The following PSME3 variants were observed in gnomAD, a reference collection of about 807,000 sequenced individuals.
PSME3 encodes proteasome activator subunit 3, also known as proteasome activator complex subunit 3.
Under a neutral mutation model 38.3 loss-of-function variants are expected in PSME3, and 7 were observed. That is an observed-to-expected ratio of 0.18 (90% CI 0.10 to 0.34). The LOEUF is 0.34. PSME3 is among the 10% of genes least tolerant of loss of function. The pLI is 1.00. For synonymous variants in PSME3, 108 were observed against 105.7 expected (o/e 1.02, Z -0.13); for missense variants, 192 against 307.6 (o/e 0.62, Z 2.81).
At position 42,838,792 on chromosome 17, in the gene PSME3, C is replaced by T. The variant is rs752977625; in HGVS notation, c.467C>T (p.Ser156Phe). The T allele has an allele frequency of 6.2e-7, 1 of 1,603,720 alleles. No homozygotes were observed. The highest frequency in any genetic ancestry group is 8.5e-7 in the Non-Finnish European group (1 of 1,170,608). Reference sequence around the variant, plus strand: ...GAAGATGGAAACAACTTTGGGGTGTCCATTCAGGTAATGTACTTGAATTAC... The same window carrying T: ...GAAGATGGAAACAACTTTGGGGTGTTCATTCAGGTAATGTACTTGAATTAC... ...RIEDGNNFGV[S>F]IQEETVAELR... Residue 156 changes from serine to phenylalanine, a missense_variant, in exon 7 of 11, where the codon TCC (serine) becomes TTC (phenylalanine). Transcript: ENST00000590720.
chr17:42,841,654 G>A lies in PSME3; in HGVS notation c.*76G>A, dbSNP rs533573189. ...TGCCTTGGTTTGTTACATGACTATC[G>A]TGATGGGGAAACTGGCTGGAAATAG... is the stretch of plus-strand genomic sequence containing the variant. On this transcript the variant is annotated 3_prime_UTR_variant, in exon 11 of 11. Transcript: ENST00000590720. The A allele has an allele frequency of 1.0e-5, 10 of 994,876 alleles. No homozygotes were observed. The highest frequency in any genetic ancestry group is 5.5e-5 in the Admixed American group (2 of 36,188). 61.6% of individuals were successfully genotyped at this position (994,876 alleles called of 1,614,324 possible). A position where few individuals can be genotyped will look rare whatever the true frequency, so the allele number is the denominator to read the frequency against.
At position 42,838,044 on chromosome 17, in the gene PSME3, C is replaced by T. The variant is rs375678306; in HGVS notation, c.293-49C>T. 5 of 1,585,920 alleles carry T rather than the reference C, an allele frequency of 3.2e-6. No homozygotes were observed. The African/African-American group carries it at 4.0e-5, about 13-fold the overall frequency. Reference sequence around the variant, plus strand: ...GAAAATGAGAGAGAGGCAGGGGATGCTGTGTCCTTCCCTCTTCCCTGATCA... The same window carrying T: ...GAAAATGAGAGAGAGGCAGGGGATGTTGTGTCCTTCCCTCTTCCCTGATCA... On this transcript the variant is annotated intron_variant, in intron 5 of 10. Coordinates refer to ENST00000590720, the MANE Select transcript of PSME3 (RefSeq NM_005789.4).
chr17:42,833,763 C>G, intron 1 of PSME3, 90 bp downstream of exon 1: 1 of 1,611,460 alleles, frequency 6.2e-7, no homozygotes, highest in Non-Finnish European at 8.5e-7. Context: ...CTTTGTCTCC[C>G]TGGGGATACC....
rs1029138840 is a variant in PSME3, at chr17:42,833,461, G to A, written c.-171G>A. 3.0e-5 allele frequency: 22 copies of A among 731,694 alleles called. No individual in the cohort carries two copies. The highest frequency in any genetic ancestry group is 1.1e-4 in the East Asian group (4 of 36,184). 45.3% of individuals were successfully genotyped at this position (731,694 alleles called of 1,614,324 possible). A position where few individuals can be genotyped will look rare whatever the true frequency, so the allele number is the denominator to read the frequency against. On this transcript the variant is annotated 5_prime_UTR_variant, in exon 1 of 11. Coordinates refer to ENST00000590720, the MANE Select transcript of PSME3 (RefSeq NM_005789.4). ...CGAGAGAGCAAGCAGGCAGCAGGCTGCCGGCGGGCGGGCGGACGGCACAGA... is the reference window on the plus strand; with the variant it reads ...CGAGAGAGCAAGCAGGCAGCAGGCTACCGGCGGGCGGGCGGACGGCACAGA...
chr17:42,833,798 G>A (rs758730687), intron 1 of PSME3, 125 bp downstream of exon 1: 3 of 1,590,850 alleles, frequency 1.9e-6, no homozygotes, highest in African/African-American at 2.7e-5. Context: ...GCTCGGCTCA[G>A]CCCAGCCCCC....
chr17:42,841,993 T>G lies in PSME3; in HGVS notation c.*415T>G, dbSNP rs1042477422. 1 of 155,110 alleles carries G rather than the reference T, an allele frequency of 6.4e-6. No homozygotes were observed. Among genetic ancestry groups the G allele is most frequent in the African/African-American group, 2.4e-5 (1 of 41,466 alleles). 9.6% of individuals were successfully genotyped at this position (155,110 alleles called of 1,614,324 possible). ...GCTAGGTGTTTTTTAGGAACTAGGG[T>G]GGCGGGGGGACGAACTTCTCTTCCT... On this transcript the variant is annotated 3_prime_UTR_variant, in exon 11 of 11. Transcript: ENST00000590720.
chr17:42,840,900 G>A (rs1032086337), intron 10 of PSME3, among the ~76,000 whole-genome samples: 21 of 152,050 alleles, frequency 1.4e-4, no homozygotes, highest in Non-Finnish European at 2.1e-4. Context: ...TTGGGAGGCC[G>A]AGGCGGGCGG....
chr17:42,841,226 A>C (rs528938537), intron 10 of PSME3, among the ~76,000 whole-genome samples: 1 of 152,288 alleles, frequency 6.6e-6, no homozygotes, highest in East Asian at 1.9e-4. Context: ...GTATATCAAA[A>C]CCAAGTTTTT....
chr17:42,835,998 ATCTT>A (rs1251062129), intron 4 of PSME3, among the ~76,000 whole-genome samples: 3 of 142,770 alleles, frequency 2.1e-5, no homozygotes, highest in Non-Finnish European at 4.6e-5. Context: ...GGCAGGAACT[ATCTT>A]TTTTTTTTTT....
chr17:42,833,812 T>A, intron 1 of PSME3, 139 bp downstream of exon 1: 1 of 1,574,682 alleles, frequency 6.4e-7, no homozygotes, highest in Non-Finnish European at 8.6e-7. Context: ...AGCCCCCAAC[T>A]CCCGGGGTCG....
chr17:42,833,501 G>T lies in PSME3; in HGVS notation c.-131G>T. ...GACGGCACAGAGGGAGGGAGCGAGCGAGCAGTGAGTAAGCCAGCAAGGGCG... is the reference window on the plus strand; with the variant it reads ...GACGGCACAGAGGGAGGGAGCGAGCTAGCAGTGAGTAAGCCAGCAAGGGCG... On this transcript the variant is annotated 5_prime_UTR_variant, in exon 1 of 11. Transcript: ENST00000590720. The T allele has an allele frequency of 9.0e-7, 1 of 1,116,550 alleles. No homozygotes were observed. Among genetic ancestry groups the T allele is most frequent in the East Asian group, 2.5e-5 (1 of 40,130 alleles). The allele number at this position is 1,116,550 out of a possible 1,614,324, so 69.2% of individuals were successfully genotyped here.
In PSME3 at chr17:42,841,821, A is replaced by G. The variant is rs2055537607; in HGVS notation, c.*243A>G. On this transcript the variant is annotated 3_prime_UTR_variant, in exon 11 of 11. Coordinates refer to ENST00000590720, the MANE Select transcript of PSME3 (RefSeq NM_005789.4). The stretch of plus-strand genomic sequence containing the variant: ...ACACCCAACCTGTCGTAATTTCTGG[A>G]GAACTCCAGGTTTGTGTGTGCAGGA... 3 of 365,694 alleles carry G rather than the reference A, an allele frequency of 8.2e-6. No homozygotes were observed. The highest frequency in any genetic ancestry group is 4.9e-6 in the Non-Finnish European group (1 of 203,004). 22.7% of individuals were successfully genotyped at this position (365,694 alleles called of 1,614,324 possible).
chr17:42,833,829 C>A, intron 1 of PSME3, 156 bp downstream of exon 1: 1 of 1,548,478 alleles, frequency 6.5e-7, no homozygotes, highest in Non-Finnish European at 8.7e-7. Context: ...GTCGGCTTCG[C>A]GGGAGAGGAA....
In PSME3 at chr17:42,834,867, A is replaced by C. The variant is rs777498624; in HGVS notation, c.234A>C (p.Gly78=). ...TTCTTCTCACCAATAGCCATGATGG[A>C]CTGGATGGTGTAAGTGTCCTATATT... ...DPILLTNSHD[G]LDGPTYKKRR... is the part of the protein sequence containing the mutation. Residue 78 remains glycine, a synonymous_variant, in exon 4 of 11, where the codon GGA becomes GGC. Coordinates refer to ENST00000590720, the MANE Select transcript of PSME3 (RefSeq NM_005789.4). 4 of 1,613,874 alleles carry C rather than the reference A, an allele frequency of 2.5e-6. No homozygotes were observed. Among genetic ancestry groups the C allele is most frequent in the African/African-American group, 1.3e-5 (1 of 75,004 alleles).
At chr17:42,839,962 C>T (rs145504308) in intron 10 of PSME3, among the ~76,000 whole-genome samples, 3,883 of 150,582 alleles carry the variant, frequency 0.026, 177 homozygotes, top group African/African-American at 0.087. Flanking sequence ...CTCCATTGCA[C>T]TCCAGCCTGG....
chr17:42,834,237 C>G, intron 1 of PSME3, 107 bp from the exon 2 acceptor site: 1 of 1,591,196 alleles, frequency 6.3e-7, no homozygotes, highest in African/African-American at 1.4e-5. Context: ...GGCCTCTCAG[C>G]TTCTTATTAC....
At chr17:42,841,132 CAA>C (rs35142424) in intron 10 of PSME3, among the ~76,000 whole-genome samples, 36 of 63,740 alleles carry the variant, frequency 5.6e-4, no homozygotes, top group African/African-American at 5.2e-4. Flanking sequence ...GACCGTGTCT[CAA>C]AAAAAAAAAA....
intron 10 of PSME3, among the ~76,000 whole-genome samples, chr17:42,841,038 C>G (rs1165813061): frequency 6.7e-6 from 1 of 149,840 alleles, no homozygotes; most frequent in African/African-American, 2.5e-5. Flanking sequence ...GTGGCTGAGG[C>G]AGGAGAATGG....
Position 42,834,753 on chromosome 17 carries a change from T to C in PSME3, c.139-19T>C, listed in dbSNP as rs746048020. On this transcript the variant is annotated intron_variant, in intron 3 of 10. Coordinates refer to ENST00000590720, the MANE Select transcript of PSME3 (RefSeq NM_005789.4). Reference sequence around the variant, plus strand: ...GTTCAGCTTGAAAAGATTAATGTTTTGGGGTGGGTGTCTTTCAGGAACCAA... The same window carrying C: ...GTTCAGCTTGAAAAGATTAATGTTTCGGGGTGGGTGTCTTTCAGGAACCAA... The C allele has an allele frequency of 2.5e-6, 4 of 1,613,486 alleles. No homozygotes were observed. The highest frequency in any genetic ancestry group is 3.4e-6 in the Non-Finnish European group (4 of 1,179,868).
Sources: allele counts gnomAD v4.1 joint callset (sites outside exome capture counted in the v4.1 genomes callset), GRCh38; gene constraint gnomAD v4.1.1; transcripts MANE v1.5; gene names NCBI Gene and HGNC (gene_info 2026-07-23, HGNC 2026-07-21).